The following GRIN2B variants were observed in gnomAD, a reference collection of about 807,000 sequenced individuals.
GRIN2B encodes the protein glutamate receptor ionotropic, NMDA 2B.
A neutral mutation model predicts 114.5 loss-of-function variants in GRIN2B; 5 were observed. The observed-to-expected ratio is 0.04, with a 90% CI of 0.02 to 0.09. The LOEUF is 0.09. Among genes scored for constraint, GRIN2B ranks in the 10% least tolerant of loss-of-function variants. GRIN2B has a pLI of 1.00. For missense variants in GRIN2B, 1,108 were observed against 1,943.5 expected (o/e 0.57, Z 8.08); for synonymous variants, 787 against 745.1 (o/e 1.06, Z -0.92).
chr12:13,920,615 G>C (rs915627075), intron 2 of GRIN2B, among the ~76,000 whole-genome samples: 3 of 152,078 alleles, frequency 2.0e-5, no homozygotes, highest in African/African-American at 4.8e-5. Flanking sequence ...GCAGTGAGAG[G>C]CTCCAGACTG....
In GRIN2B at chr12:13,859,399, C is replaced by T. The variant is rs1160598240; in HGVS notation, c.411+6399G>A. 3.9e-5 allele frequency among the ~76,000 whole-genome samples: 6 copies of T among 152,298 alleles called. No individual in the cohort carries two copies. The South Asian group carries it at 8.3e-4, about 21-fold the overall frequency. ...ATTAACACTGCTCCTAAAGAAAATC[C>T]TAGCTCCAATTTTTAAAGACAGGAT... On this transcript the variant is annotated intron_variant, in intron 3 of 13. Coordinates refer to ENST00000609686, the MANE Select transcript of GRIN2B (RefSeq NM_000834.5).
intron 10 of GRIN2B, among the ~76,000 whole-genome samples, chr12:13,608,114 A>G (rs117639873): frequency 1.3e-5 from 2 of 152,328 alleles, no homozygotes; most frequent in East Asian, 3.9e-4. Flanking sequence ...AACAGCAGTT[A>G]CTTCTCTTCA....
intron 4 of GRIN2B, among the ~76,000 whole-genome samples, chr12:13,682,821 A>G (rs1295485663): frequency 6.6e-6 from 1 of 152,152 alleles, no homozygotes; most frequent in Non-Finnish European, 1.5e-5. Flanking sequence ...ATGAAGAAAA[A>G]GTGCTTTCAG....
chr12:13,766,697 C>T (rs1250397423), intron 3 of GRIN2B, among the ~76,000 whole-genome samples: 2 of 152,126 alleles, frequency 1.3e-5, no homozygotes, highest in African/African-American at 4.8e-5. Context: ...AGTCAGGCTA[C>T]CCAGTTAAAA....
At chr12:13,578,203 G>A (rs1037207793) in intron 10 of GRIN2B, among the ~76,000 whole-genome samples, 1 of 152,188 alleles carries the variant, frequency 6.6e-6, no homozygotes, top group African/African-American at 2.4e-5. Context: ...AAGTCTGCCA[G>A]AAATTATTTG....
intron 10 of GRIN2B, among the ~76,000 whole-genome samples, chr12:13,604,212 G>A (rs564550172): frequency 5.3e-5 from 8 of 152,118 alleles, no homozygotes; most frequent in Middle Eastern, 3.2e-3. Context: ...CTGAATGTTC[G>A]AACTTGCACC....
chr12:13,613,900 AT>A (rs1268992064), intron 8 of GRIN2B, among the ~76,000 whole-genome samples: 12 of 151,744 alleles, frequency 7.9e-5, no homozygotes, highest in Non-Finnish European at 1.2e-4. Context: ...CCAGGGATAT[AT>A]TAATGTACCA....
At chr12:13,834,542 C>T (rs1865219482) in intron 3 of GRIN2B, among the ~76,000 whole-genome samples, 1 of 152,160 alleles carries the variant, frequency 6.6e-6, no homozygotes, top group African/African-American at 2.4e-5. Context: ...CCTGGGTTCC[C>T]ATCATGTCAC....
chr12:13,555,884 G>A lies in GRIN2B; in HGVS notation c.*6899C>T, dbSNP rs771121689. 1 of 152,216 alleles carries A rather than the reference G, an allele frequency of 6.6e-6. No homozygotes were observed. The highest frequency in any genetic ancestry group is 1.5e-5 in the Non-Finnish European group (1 of 68,048). The allele number at this position is 152,216 out of a possible 1,614,324, so 9.4% of individuals were successfully genotyped here. Reference sequence around the variant, plus strand: ...AATTGATTGAATTTGTGCTCTTCACGTAGGTTTAAGACTTGCTCTTCTTGG... The same window carrying A: ...AATTGATTGAATTTGTGCTCTTCACATAGGTTTAAGACTTGCTCTTCTTGG... On this transcript the variant is annotated 3_prime_UTR_variant, in exon 14 of 14. Coordinates refer to ENST00000609686, the MANE Select transcript of GRIN2B (RefSeq NM_000834.5).
intron 3 of GRIN2B, among the ~76,000 whole-genome samples, chr12:13,759,413 T>C (rs558158623): frequency 8.5e-5 from 13 of 152,336 alleles, no homozygotes; most frequent in African/African-American, 3.1e-4. Context: ...AGGGGATCCC[T>C]GTTGTAGCCA....
chr12:13,789,630 T>A (rs1057106902), intron 3 of GRIN2B, among the ~76,000 whole-genome samples: 2 of 152,212 alleles, frequency 1.3e-5, no homozygotes, highest in African/African-American at 4.8e-5. Context: ...ATAATAATTA[T>A]GCTCATGTAA....
chr12:13,715,663 T>A (rs1407618112), intron 4 of GRIN2B, among the ~76,000 whole-genome samples: 1 of 151,898 alleles, frequency 6.6e-6, no homozygotes, highest in Admixed American at 6.6e-5. Context: ...TCGTAAGAAA[T>A]CTGGGGCTTA....
At position 13,563,199 on chromosome 12, in the gene GRIN2B, T is replaced by C; in HGVS notation, c.4039A>G (p.Ser1347Gly). The change falls in exon 14 of 14, where the codon AGC becomes GGC. Residue 1347 changes from serine to glycine, a missense_variant. Ser to Gly is a moderately conservative substitution (Grantham distance 56). Coordinates refer to ENST00000609686, the MANE Select transcript of GRIN2B (RefSeq NM_000834.5). ...AHMFEMSAGESTFANNKSSVP... is the reference protein window; with the variant it reads ...AHMFEMSAGEGTFANNKSSVP... Reference sequence around the variant, plus strand: ...GAGGACTTGTTGTTGGCAAAGGTGCTCTCGCCAGCTGACATCTCAAACATG... The same window carrying C: ...GAGGACTTGTTGTTGGCAAAGGTGCCCTCGCCAGCTGACATCTCAAACATG... 1 of 1,614,204 alleles carries C rather than the reference T, an allele frequency of 6.2e-7. No homozygotes were observed. Among genetic ancestry groups the C allele is most frequent in the Non-Finnish European group, 8.5e-7 (1 of 1,180,034 alleles).
chr12:13,795,670 T>A (rs1864407297), intron 3 of GRIN2B, among the ~76,000 whole-genome samples: 2 of 152,154 alleles, frequency 1.3e-5, no homozygotes, highest in African/African-American at 4.8e-5. Flanking sequence ...TAGCAAAGAC[T>A]TGGAACCAAC....
chr12:13,892,269 G>C (rs138172561), intron 2 of GRIN2B, among the ~76,000 whole-genome samples: 25 of 152,078 alleles, frequency 1.6e-4, no homozygotes, highest in African/African-American at 5.3e-4. Flanking sequence ...ATGACAGAAG[G>C]GAAGAAAAAA....
At chr12:13,619,893 C>T (rs1309896119) in intron 5 of GRIN2B, among the ~76,000 whole-genome samples, 1 of 152,198 alleles carries the variant, frequency 6.6e-6, no homozygotes, top group Non-Finnish European at 1.5e-5. Context: ...CACTGCTTCT[C>T]TGACAATGAA....
intron 4 of GRIN2B, among the ~76,000 whole-genome samples, chr12:13,728,649 C>A (rs1863033353): frequency 1.3e-5 from 2 of 152,008 alleles, no homozygotes; most frequent in Admixed American, 1.3e-4. Context: ...ATGGCAGGAA[C>A]CAGGTGTAAA....
At chr12:13,723,198 G>C (rs1025647533) in intron 4 of GRIN2B, among the ~76,000 whole-genome samples, 1 of 151,416 alleles carries the variant, frequency 6.6e-6, no homozygotes, top group South Asian at 2.1e-4. Flanking sequence ...GTGCAGGTTT[G>C]TTACATAGGT....
intron 4 of GRIN2B, among the ~76,000 whole-genome samples, chr12:13,681,473 C>T (rs1346452816): frequency 6.6e-6 from 1 of 152,118 alleles, no homozygotes; most frequent in East Asian, 1.9e-4. Context: ...CAGTTCCAGG[C>T]AAGGGACAAA....
Sources: allele counts gnomAD v4.1 joint callset (sites outside exome capture counted in the v4.1 genomes callset), GRCh38; gene constraint gnomAD v4.1.1; transcripts MANE v1.5; gene names NCBI Gene and HGNC (gene_info 2026-07-23, HGNC 2026-07-21).